CDKAL1: variants seen among roughly 807,000 people sequenced by gnomAD.
CDKAL1 encodes threonylcarbamoyladenosine tRNA methylthiotransferase.
A neutral mutation model predicts 68.2 loss-of-function variants in CDKAL1; 32 were observed. The ratio of observed to expected loss-of-function variants is 0.47; its 90% CI spans 0.35 to 0.63. The LOEUF is 0.63. CDKAL1 is among the 30% of genes least tolerant of loss of function. The pLI, the probability that CDKAL1 is intolerant of heterozygous loss-of-function variation, is 0.00. For synonymous variants in CDKAL1, 234 were observed against 244.3 expected, an observed-to-expected ratio of 0.96 and a Z score of 0.39; for missense variants, 606 against 696.7, an observed-to-expected ratio of 0.87 and a Z score of 1.47.
At chr6:20,974,978 CAAAAAAAAAA>C (rs11330322) in intron 10 of CDKAL1, among the ~76,000 whole-genome samples, 1 of 62,914 alleles carries the variant, frequency 1.6e-5, no homozygotes, top group African/African-American at 6.4e-5. Flanking sequence ...GACCCTATCT[CAAAAAAAAAA>C]AAAAAAAAAA....
intron 5 of CDKAL1, among the ~76,000 whole-genome samples, chr6:20,699,918 A>G (rs1371605262): frequency 6.6e-6 from 1 of 152,186 alleles, no homozygotes; most frequent in Non-Finnish European, 1.5e-5. Context: ...GTAGTGACTA[A>G]CCAGTCTTTT....
At chr6:20,832,750 G>A (rs1777770569) in intron 8 of CDKAL1, among the ~76,000 whole-genome samples, 1 of 152,090 alleles carries the variant, frequency 6.6e-6, no homozygotes, top group Admixed American at 6.6e-5. Context: ...GCCTTTAATA[G>A]GTACAGTTTT....
chr6:20,729,328 C>G (rs1400764923), intron 5 of CDKAL1, among the ~76,000 whole-genome samples: 1 of 152,192 alleles, frequency 6.6e-6, no homozygotes, highest in Non-Finnish European at 1.5e-5. Flanking sequence ...TCCTCTTGCT[C>G]TGTTTTGGTG....
intron 13 of CDKAL1, among the ~76,000 whole-genome samples, chr6:21,175,707 CTGTT>C (rs1191613697): frequency 1.3e-5 from 2 of 152,300 alleles, no homozygotes; most frequent in African/African-American, 2.4e-5. Flanking sequence ...GCTGCATAGT[CTGTT>C]TGATCCCTTG....
At chr6:21,018,735 GT>G (rs1430543480) in intron 11 of CDKAL1, among the ~76,000 whole-genome samples, 1 of 151,982 alleles carries the variant, frequency 6.6e-6, no homozygotes, top group African/African-American at 2.4e-5. Flanking sequence ...GTTATTATTT[GT>G]TTTCTGTTAT....
At chr6:20,835,696 C>T (rs768354634) in intron 8 of CDKAL1, among the ~76,000 whole-genome samples, 1 of 151,952 alleles carries the variant, frequency 6.6e-6, no homozygotes, top group Non-Finnish European at 1.5e-5. Context: ...TACAGGCGTG[C>T]GCCACCAGGC....
chr6:20,626,133 TGAGTTA>T (rs1354134382), intron 4 of CDKAL1, among the ~76,000 whole-genome samples: 2 of 152,206 alleles, frequency 1.3e-5, no homozygotes, highest in Non-Finnish European at 2.9e-5. Context: ...CTTGACTCAC[TGAGTTA>T]GAGTTAGTCT....
intron 12 of CDKAL1, among the ~76,000 whole-genome samples, chr6:21,096,590 AGTT>A (rs1323051357): frequency 6.6e-6 from 1 of 152,226 alleles, no homozygotes; most frequent in Non-Finnish European, 1.5e-5. Context: ...ACTCTCTCAT[AGTT>A]ATGTCTCTAA....
At chr6:20,988,790 C>T (rs1361523671) in intron 10 of CDKAL1, among the ~76,000 whole-genome samples, 3 of 151,142 alleles carry the variant, frequency 2.0e-5, no homozygotes, top group Admixed American at 6.6e-5. Context: ...GCTAGGATTA[C>T]AGGCACGCAC....
intron 4 of CDKAL1, among the ~76,000 whole-genome samples, chr6:20,565,794 G>A (rs1169490173): frequency 1.3e-5 from 2 of 152,078 alleles, no homozygotes; most frequent in African/African-American, 4.8e-5. Context: ...CCTAGAGGCC[G>A]TAGTCTTAGG....
At chr6:20,830,320 A>G (rs1777661955) in intron 8 of CDKAL1, among the ~76,000 whole-genome samples, 1 of 152,242 alleles carries the variant, frequency 6.6e-6, no homozygotes, top group East Asian at 1.9e-4. Flanking sequence ...AATTAAAAAC[A>G]GAAATGCAAC....
chr6:20,912,034 G>A (rs1005822503), intron 9 of CDKAL1, among the ~76,000 whole-genome samples: 1 of 152,174 alleles, frequency 6.6e-6, no homozygotes, highest in Non-Finnish European at 1.5e-5. Flanking sequence ...CCAATAGTTT[G>A]CTAGTTCTTG....
intron 4 of CDKAL1, among the ~76,000 whole-genome samples, chr6:20,580,498 C>T (rs1017071572): frequency 5.9e-5 from 9 of 152,094 alleles, no homozygotes; most frequent in African/African-American, 1.9e-4. Flanking sequence ...GGCCACTTCT[C>T]ATCCTTGCTG....
At chr6:20,982,666 A>G (rs1451025897) in intron 10 of CDKAL1, among the ~76,000 whole-genome samples, 1 of 152,064 alleles carries the variant, frequency 6.6e-6, no homozygotes, top group Non-Finnish European at 1.5e-5. Flanking sequence ...ACATTTCAAA[A>G]TGCTTCTGTA....
intron 13 of CDKAL1, among the ~76,000 whole-genome samples, chr6:21,183,810 G>A (rs1256302849): frequency 6.6e-6 from 1 of 152,132 alleles, no homozygotes; most frequent in Admixed American, 6.5e-5. Flanking sequence ...TTATTAATCT[G>A]AAGACAACTC....
intron 4 of CDKAL1, among the ~76,000 whole-genome samples, chr6:20,580,812 G>A (rs1364222000): frequency 1.3e-5 from 2 of 150,446 alleles, no homozygotes; most frequent in Admixed American, 6.6e-5. Context: ...TTTTTTAGAT[G>A]GAGTTTCGCT....
chr6:20,874,745 C>T lies in CDKAL1; in HGVS notation c.742+28567C>T, dbSNP rs528268669. On this transcript the variant is annotated intron_variant, in intron 9 of 15. Transcript: ENST00000274695. ...CTCGAACTCCGGGCATCAAGTGATCCGCCTACCTTGGCCTCCCAAAGTGCT... is the reference window on the plus strand; with the variant it reads ...CTCGAACTCCGGGCATCAAGTGATCTGCCTACCTTGGCCTCCCAAAGTGCT... Among the ~76,000 whole-genome samples the T allele has an allele frequency of 9.6e-4, 146 of 152,016 alleles. 1 individual carries two copies. Among genetic ancestry groups the T allele is most frequent in the South Asian group, 1.2e-3 (6 of 4,808 alleles).
intron 4 of CDKAL1, among the ~76,000 whole-genome samples, chr6:20,615,020 A>T (rs1333036493): frequency 7.3e-6 from 1 of 137,494 alleles, no homozygotes; most frequent in African/African-American, 2.7e-5. Context: ...ATGAGTGAGA[A>T]TATGCGGTGT....
intron 4 of CDKAL1, among the ~76,000 whole-genome samples, chr6:20,632,198 A>C (rs1449507104): frequency 6.6e-6 from 1 of 152,194 alleles, no homozygotes; most frequent in Non-Finnish European, 1.5e-5. Flanking sequence ...TTGTACACTT[A>C]AATTAGCCTA....
Sources: gnomAD v4.1 joint callset for allele counts (sites outside exome capture counted in the v4.1 genomes callset) on GRCh38, gnomAD v4.1.1 for gene constraint, MANE v1.5 for transcripts, NCBI Gene and HGNC (gene_info 2026-07-23, HGNC 2026-07-21) for gene names.